Variants in IL31RA observed in about 807,000 individuals in gnomAD.
IL31RA encodes the protein interleukin-31 receptor subunit alpha.
A neutral mutation model predicts 83.7 loss-of-function variants in IL31RA; 66 were observed. The observed-to-expected ratio is 0.79, with a 90% CI of 0.65 to 0.97. The LOEUF is 0.97. Ranked by LOEUF, IL31RA falls within the 50% of genes least tolerant of loss-of-function variation. IL31RA has a pLI of 0.00. For missense variants in IL31RA, 798 were observed against 919.4 expected (o/e 0.87, Z 1.71); for synonymous variants, 325 against 329.0 (o/e 0.99, Z 0.13).
intron 12 of IL31RA, 99 bp downstream of exon 12, chr5:55,910,771 G>A (rs1440550868): frequency 4.5e-6 from 6 of 1,334,804 alleles, no homozygotes; most frequent in Non-Finnish European, 6.5e-6. Flanking sequence ...CCAAATGAAA[G>A]GGCAGTGCCT....
chr5:55,870,817 T>C (rs67964733), intron 3 of IL31RA, among the ~76,000 whole-genome samples: 11,616 of 152,262 alleles, frequency 0.076, 768 homozygotes, highest in African/African-American at 0.18. Flanking sequence ...AAAAACCTTC[T>C]GATGTCCAGA....
chr5:55,895,256 C>T (rs1288595031), intron 6 of IL31RA, among the ~76,000 whole-genome samples: 1 of 152,176 alleles, frequency 6.6e-6, no homozygotes, highest in Non-Finnish European at 1.5e-5. Flanking sequence ...GCCGTCTCGA[C>T]ATTTGTTTAG....
upstream of IL31RA, chr5:55,851,248 T>C (rs1745050211): frequency 2.4e-6 from 1 of 418,178 alleles, no homozygotes; most frequent in African/African-American, 2.0e-5. Flanking sequence ...AAAGACACCT[T>C]ATTTAATATA....
chr5:55,862,209 A>G (rs1745730197), intron 2 of IL31RA, among the ~76,000 whole-genome samples: 3 of 152,228 alleles, frequency 2.0e-5, no homozygotes. Flanking sequence ...CTAATTTTAG[A>G]TTTATAGAAA....
Position 55,889,892 on chromosome 5 carries a change from T to C in IL31RA, c.607-78T>C, listed in dbSNP as rs1747873413. On this transcript the variant is annotated intron_variant, in intron 5 of 14. Coordinates refer to ENST00000652347, the MANE Select transcript of IL31RA (RefSeq NM_139017.7). Reference sequence around the variant, plus strand: ...GTTACTAGTTCTAAAAATGTAAAAGTACACTAGGTAGTGAAGAGGAAAATG... The same window carrying C: ...GTTACTAGTTCTAAAAATGTAAAAGCACACTAGGTAGTGAAGAGGAAAATG... 4 of 1,279,876 alleles carry C rather than the reference T, an allele frequency of 3.1e-6. No homozygotes were observed. The Admixed American group carries it at 6.8e-5, about 22-fold the overall frequency. The allele number at this position is 1,279,876 out of a possible 1,614,324, so 79.3% of individuals were successfully genotyped here.
Position 55,859,511 on chromosome 5 carries a change from C to A in IL31RA, c.66C>A (p.Leu22=). 6.2e-7 allele frequency: 1 copy of A among 1,612,974 alleles called. No homozygotes were observed. Among genetic ancestry groups the A allele is most frequent in the South Asian group, 1.1e-5 (1 of 91,054 alleles). The part of the protein sequence containing the change: ...ACVCECPQNI[L]SPQPSCVNLG... ...CTCTTGACTGATGTCATTTTCAGCT[C>A]TCTCCCCAGCCTTCATGTGTTAACC... The change falls in exon 2 of 15, where the codon CTC becomes CTA. Residue 22 remains leucine (L), a splice_region_variant and synonymous_variant. Coordinates refer to ENST00000652347, the MANE Select transcript of IL31RA (RefSeq NM_139017.7).
chr5:55,858,948 A>G (rs961231536), intron 1 of IL31RA, among the ~76,000 whole-genome samples: 2 of 152,224 alleles, frequency 1.3e-5, no homozygotes, highest in Admixed American at 1.3e-4. Context: ...ATGCTGTAGG[A>G]CACATGATAT....
At chr5:55,883,264 T>A (rs1335217791) in intron 5 of IL31RA, 69 bp downstream of exon 5, 2 of 1,299,738 alleles carry the variant, frequency 1.5e-6, no homozygotes, top group East Asian at 4.6e-5. Context: ...ACAACTATTG[T>A]TGACCTGGAA....
chr5:55,863,928 G>A (rs1434655578), intron 2 of IL31RA, among the ~76,000 whole-genome samples: 1 of 132,118 alleles, frequency 7.6e-6, no homozygotes, highest in Non-Finnish European at 1.6e-5. Context: ...ACAGGAAAGA[G>A]CAGGATTCAC....
At chr5:55,909,293 T>G (rs1186004742) in intron 11 of IL31RA, 1 of 152,604 alleles carries the variant, frequency 6.6e-6, no homozygotes, top group African/African-American at 2.4e-5. Flanking sequence ...CATCAGTTGA[T>G]GAACATTTAG....
the IL31RA span, among the ~76,000 whole-genome samples, chr5:55,843,825 C>A: frequency 6.6e-6 from 1 of 152,278 alleles, no homozygotes; most frequent in African/African-American, 2.4e-5. Context: ...ATATCTCTTT[C>A]TCTATCCATT....
rs553555246 is a variant in IL31RA at position 55,900,213 on chromosome 5, G to A, written c.1069+81G>A. On this transcript the variant is annotated intron_variant, in intron 8 of 14. Coordinates refer to ENST00000652347, the MANE Select transcript of IL31RA (RefSeq NM_139017.7). ...AGCAGTCCCTGTGCTCTCAAGGGTGGCTGTTTCTCTTGAGTCAAAATGAAA... is the reference window on the plus strand; with the variant it reads ...AGCAGTCCCTGTGCTCTCAAGGGTGACTGTTTCTCTTGAGTCAAAATGAAA... The A allele has an allele frequency of 7.6e-5, 77 of 1,018,232 alleles. No individual in the cohort carries two copies. The African/African-American group carries it at 1.1e-3, about 15-fold the overall frequency. 63.1% of individuals were successfully genotyped at this position (1,018,232 alleles called of 1,614,324 possible).
Position 55,903,248 on chromosome 5 carries a change from G to A in IL31RA, c.1070-2858G>A, listed in dbSNP as rs1461677227. Among the ~76,000 whole-genome samples, 1 of 152,266 alleles carries A rather than the reference G, an allele frequency of 6.6e-6. No individual in the cohort carries two copies. Among genetic ancestry groups the A allele is most frequent in the African/African-American group, 2.4e-5 (1 of 41,464 alleles). ...GAAGATGGGCCCAAGTTGGGGCAGA[G>A]CTCAGGATGGGCCAGGACGGTTGGC... On this transcript the variant is annotated intron_variant, in intron 8 of 14. Transcript: ENST00000652347. The surrounding 1 kb of genome is among the most constrained non-coding windows in gnomAD (Gnocchi z 4.7).
intron 5 of IL31RA, 76 bp downstream of exon 5, chr5:55,883,271 G>A (rs1346438698): frequency 4.0e-6 from 5 of 1,248,398 alleles, no homozygotes; most frequent in Non-Finnish European, 2.3e-6. Flanking sequence ...TTGTTGACCT[G>A]GAATCATTAT....
chr5:55,848,242 G>C (rs746622327), upstream of IL31RA, among the ~76,000 whole-genome samples: 1 of 152,144 alleles, frequency 6.6e-6, no homozygotes, highest in South Asian at 2.1e-4. Flanking sequence ...AGTATCTACA[G>C]ATCACTTAGA....
Position 55,900,045 on chromosome 5 carries a change from G to A in IL31RA, c.982G>A (p.Glu328Lys), listed in dbSNP as rs376130769. The A allele has an allele frequency of 1.7e-5, 28 of 1,614,014 alleles. No homozygotes were observed. Among genetic ancestry groups the A allele is most frequent in the South Asian group, 4.4e-5 (4 of 91,086 alleles). ...GCAGCTTGAACTGCATCTGGGAGGC[G>A]AGAGCTTTTGGGTGTCTATGATTTC... ...NQQLELHLGG[E>K]SFWVSMISYN... The change falls in exon 8 of 15, where the codon GAG becomes AAG. Residue 328 changes from glutamate (E) to lysine (K), a missense_variant. By Grantham distance (56) the Glu-to-Lys change is moderately conservative. Transcript: ENST00000652347.
intron 3 of IL31RA, among the ~76,000 whole-genome samples, chr5:55,869,259 T>G (rs1413361138): frequency 1.3e-5 from 2 of 152,160 alleles, no homozygotes; most frequent in African/African-American, 2.4e-5. Context: ...GTAAGTAAGG[T>G]TGTAAACCCA....
upstream of IL31RA, chr5:55,851,286 A>G: frequency 1.0e-5 from 5 of 498,164 alleles, no homozygotes; most frequent in South Asian, 8.6e-5. Flanking sequence ...CATTGAACTC[A>G]TGGCTAATAA....
At chr5:55,857,285 G>A (rs969027181) in intron 1 of IL31RA, among the ~76,000 whole-genome samples, 2 of 152,054 alleles carry the variant, frequency 1.3e-5, no homozygotes, top group African/African-American at 4.8e-5. Context: ...GTGTTTTGTA[G>A]AGATGGGGTA....
Sources: allele counts gnomAD v4.1 joint callset (sites outside exome capture counted in the v4.1 genomes callset), GRCh38; gene constraint gnomAD v4.1.1; non-coding constraint Gnocchi (gnomAD v3.1); transcripts MANE v1.5; gene names NCBI Gene and HGNC (gene_info 2026-07-23, HGNC 2026-07-21).